Variants in AGAP4 observed in about 807,000 individuals in gnomAD.
AGAP4 encodes the protein ArfGAP with GTPase domain, ankyrin repeat and PH domain 4, also known as arf-GAP with GTPase, ANK repeat and PH domain-containing protein 4.
A neutral mutation model predicts 60.7 loss-of-function variants in AGAP4; 13 were observed. That is an observed-to-expected ratio of 0.21 (90% CI 0.14 to 0.34). The LOEUF (loss-of-function observed/expected upper bound fraction) is 0.34, where lower values mean the gene tolerates loss of function less well. Among genes scored for constraint, AGAP4 ranks in the 10% least tolerant of loss-of-function variants. The pLI is 1.00. For missense variants in AGAP4, 169 were observed against 884.0 expected (o/e 0.19, Z 10.26); for synonymous variants, 70 against 339.0 (o/e 0.21, Z 8.72).
chr10:45,831,457 T>C lies in AGAP4; in HGVS notation c.498-28A>G, dbSNP rs2058730889. The C allele has an allele frequency of 5.7e-6, 9 of 1,587,252 alleles. 2 individuals carry two copies. The highest frequency in any genetic ancestry group is 2.7e-5 in the African/African-American group (2 of 73,888). ...GTGGAAGGAAAAAAATTCATAACAA[T>C]AGATGTTAACATTTGTTAGGCCTGA... On this transcript the variant is annotated intron_variant, in intron 5 of 7. Transcript: ENST00000616763.
chr10:45,849,108 C>A (rs1418768766), upstream of AGAP4, among the ~76,000 whole-genome samples: 2 of 136,352 alleles, frequency 1.5e-5, no homozygotes, highest in African/African-American at 5.2e-5. Flanking sequence ...TGCCTGTAAT[C>A]CCAGCTACTC....
intron 1 of AGAP4, among the ~76,000 whole-genome samples, chr10:45,852,551 A>G (rs1484323596): frequency 3.3e-5 from 5 of 151,736 alleles, no homozygotes; most frequent in South Asian, 2.1e-4. Flanking sequence ...ACTCTAACAT[A>G]TAACTACAAA....
upstream of AGAP4, among the ~76,000 whole-genome samples, chr10:45,849,261 A>T (rs1180697308): frequency 1.1e-4 from 17 of 151,392 alleles, no homozygotes; most frequent in Admixed American, 1.3e-4. Flanking sequence ...ATAAGATCTC[A>T]TGAGGACTTA....
At chr10:45,851,238 G>A (rs78965432), upstream of AGAP4, among the ~76,000 whole-genome samples, 52,723 of 151,620 alleles carry the variant, frequency 0.35, 9,603 homozygotes, top group South Asian at 0.55. Flanking sequence ...AGGGTGATTT[G>A]CACGGCATTA....
intron 4 of AGAP4, among the ~76,000 whole-genome samples, chr10:45,838,831 T>C (rs2058870129): frequency 6.6e-6 from 1 of 151,242 alleles, no homozygotes; most frequent in African/African-American, 2.4e-5. Flanking sequence ...TTTCTAACAC[T>C]TTGGGCATTC....
chr10:45,844,808 T>TAAAACTTTTTAA (rs2058975632), intron 2 of AGAP4, among the ~76,000 whole-genome samples: 1 of 146,438 alleles, frequency 6.8e-6, no homozygotes, highest in Admixed American at 6.8e-5. Flanking sequence ...CTAGAGTTTT[T>TAAAACTTTTTAA]AAAATTTTTA....
chr10:45,847,513 C>A (rs1260042799), upstream of AGAP4: 1 of 1,514,526 alleles, frequency 6.6e-7, no homozygotes, highest in South Asian at 1.2e-5. Context: ...GGCCCTGGCC[C>A]TGGCCCCGGC....
At chr10:45,852,702 G>A (rs2059099876) in intron 1 of AGAP4, among the ~76,000 whole-genome samples, 1 of 151,660 alleles carries the variant, frequency 6.6e-6, no homozygotes, top group Non-Finnish European at 1.5e-5. Context: ...TTGAAATGCG[G>A]GAAACCACAG....
intron 2 of AGAP4, 97 bp from the exon 3 acceptor site, chr10:45,844,491 T>A (rs1181764641): frequency 5.8e-6 from 9 of 1,557,148 alleles, no homozygotes; most frequent in East Asian, 2.2e-5. Context: ...TATTTCACTA[T>A]CTCTACTTTG....
At chr10:45,853,349 ATCT>A (rs1468225113) in intron 1 of AGAP4, among the ~76,000 whole-genome samples, 1 of 151,488 alleles carries the variant, frequency 6.6e-6, no homozygotes, top group South Asian at 2.1e-4. Context: ...AATGAATAAC[ATCT>A]TCTACAGTCT....
At chr10:45,846,414 T>C (rs1171732189) in intron 2 of AGAP4, among the ~76,000 whole-genome samples, 3 of 151,916 alleles carry the variant, frequency 2.0e-5, no homozygotes, top group Non-Finnish European at 4.4e-5. Context: ...GCCTCTCCCA[T>C]GGCAAACTCC....
chr10:45,854,199 T>G (rs1316244178), upstream of AGAP4: 1 of 188,464 alleles, frequency 5.3e-6, no homozygotes, highest in South Asian at 1.1e-4. Flanking sequence ...ACTGTTAACA[T>G]TCTACTGATT....
rs2058967645 is a variant in AGAP4, at chr10:45,844,361, G to A, written c.326C>T (p.Ala109Val). Residue 109 changes from alanine to valine, a missense_variant, in exon 3 of 8, where the codon GCA becomes GTA. By Grantham distance (64) the Ala-to-Val change is moderately conservative. Coordinates refer to ENST00000616763, the MANE Select transcript of AGAP4 (RefSeq NM_001276343.3). ...AGAGTTCCTCTGGAATATTGTGCTTGCCTCTGGATTGGCAGAAGGGTTAAA... is the reference window on the plus strand; with the variant it reads ...AGAGTTCCTCTGGAATATTGTGCTTACCTCTGGATTGGCAGAAGGGTTAAA... The part of the protein sequence containing the change: ...LEFNPSANPE[A>V]STIFQRNSQT... 1.3e-6 allele frequency: 2 copies of A among 1,594,348 alleles called. No individual in the cohort carries two copies. The highest frequency in any genetic ancestry group is 1.4e-5 in the African/African-American group (1 of 71,398).
chr10:45,850,149 G>C (rs1480832471), upstream of AGAP4, among the ~76,000 whole-genome samples: 1 of 151,596 alleles, frequency 6.6e-6, no homozygotes, highest in Non-Finnish European at 1.5e-5. Flanking sequence ...GGTTGATCTC[G>C]AACTCCTGAC....
intron 5 of AGAP4, 68 bp from the exon 6 acceptor site, chr10:45,831,497 A>AG: frequency 1.5e-6 from 2 of 1,378,356 alleles, no homozygotes; most frequent in African/African-American, 1.4e-5. Context: ...ATTTTTTAAA[A>AG]GGGGGGCAGA....
rs1276784900 is a variant in AGAP4, at chr10:45,829,916, A to G, written c.533+1478T>C. Among the ~76,000 whole-genome samples the G allele has an allele frequency of 8.6e-4, 127 of 147,096 alleles. 2 individuals are homozygous for G. Among genetic ancestry groups the G allele is most frequent in the East Asian group, 1.4e-3 (7 of 5,010 alleles). ...TTTTTGACACAATAAAACATAAACC[A>G]ATATATTCCAAGTAACTAATGCATG... On this transcript the variant is annotated intron_variant, in intron 6 of 7. Coordinates refer to ENST00000616763, the MANE Select transcript of AGAP4 (RefSeq NM_001276343.3).
At chr10:45,836,045 AT>A (rs1454166691) in intron 4 of AGAP4, among the ~76,000 whole-genome samples, 211 of 148,170 alleles carry the variant, frequency 1.4e-3, no homozygotes, top group African/African-American at 4.8e-3. Flanking sequence ...GTACCTAGTA[AT>A]TTAGTAAGTC....
chr10:45,832,280 C>T (rs2058746138), intron 5 of AGAP4, among the ~76,000 whole-genome samples: 2 of 146,294 alleles, frequency 1.4e-5, no homozygotes, highest in African/African-American at 5.0e-5. Flanking sequence ...GACCAATGAC[C>T]TTATGTGACA....
At chr10:45,854,155 T>C, upstream of AGAP4, 1 of 215,934 alleles carries the variant, frequency 4.6e-6, no homozygotes, top group Non-Finnish European at 9.3e-6. Flanking sequence ...GGATTTCCTT[T>C]CTAGAACCTG....
Sources: allele counts gnomAD v4.1 joint callset (sites outside exome capture counted in the v4.1 genomes callset), GRCh38; gene constraint gnomAD v4.1.1; transcripts MANE v1.5; gene names NCBI Gene and HGNC (gene_info 2026-07-23, HGNC 2026-07-21).